Variants in ATP6V0B observed in about 807,000 individuals in gnomAD.
ATP6V0B encodes the protein ATPase H+ transporting V0 subunit b.
In ATP6V0B, 4 loss-of-function variants were observed where a neutral mutation model predicts 26.2. That is an observed-to-expected ratio of 0.15 (90% CI 0.08 to 0.35). ATP6V0B has a LOEUF of 0.35. Among genes scored for constraint, ATP6V0B ranks in the 10% least tolerant of loss-of-function variants. The pLI is 1.00. For missense variants in ATP6V0B, 175 were observed against 272.5 expected (o/e 0.64, Z 2.52); for synonymous variants, 110 against 105.8 (o/e 1.04, Z -0.24).
chr1:43,977,579 GGT>G (rs774835534), intron 7 of ATP6V0B: 14 of 1,422,334 alleles, frequency 9.8e-6, no homozygotes, highest in Non-Finnish European at 1.3e-5. Flanking sequence ...AGTCTGTCAT[GGT>G]GTGTTTGACT....
intron 1 of ATP6V0B, 60 bp from the exon 2 acceptor site, chr1:43,975,739 GT>G (rs1339814021): frequency 6.3e-7 from 1 of 1,583,020 alleles, no homozygotes; most frequent in Non-Finnish European, 8.6e-7. Flanking sequence ...GCTACTTTAG[GT>G]TGAAGAACTT....
intron 7 of ATP6V0B, 160 bp from the exon 8 acceptor site, chr1:43,977,821 C>T: frequency 1.2e-5 from 19 of 1,573,906 alleles, no homozygotes; most frequent in Non-Finnish European, 1.6e-5. Context: ...GGTTGTCTGT[C>T]CCTGTCTGCC....
Position 43,975,045 on chromosome 1 carries a change from C to G in ATP6V0B, c.5C>G (p.Thr2Arg). Residue 2 changes from threonine to arginine, a missense_variant, in exon 1 of 8, where the codon ACG becomes AGG. By Grantham distance (71) the Thr-to-Arg change is moderately conservative. Around this residue, in one of 3 missense-constraint regions of ATP6V0B, gnomAD observed 75 missense variants for 94.7 expected, o/e 0.79. Coordinates refer to ENST00000472174, the MANE Select transcript of ATP6V0B (RefSeq NM_004047.5). Reference protein sequence around the residue: MTGLALLYSGVF... With the variant: MRGLALLYSGVF... ...ACCCCCGCCGCCGTCGCCGCCATGACGGGGCTAGCACTGCTCTACTCCGGG... is the reference window on the plus strand; with the variant it reads ...ACCCCCGCCGCCGTCGCCGCCATGAGGGGGCTAGCACTGCTCTACTCCGGG... 2.4e-6 allele frequency: 3 copies of G among 1,271,670 alleles called. No individual in the cohort carries two copies. Among genetic ancestry groups the G allele is most frequent in the Non-Finnish European group, 3.0e-6 (3 of 1,004,062 alleles). 78.8% of individuals were successfully genotyped at this position (1,271,670 alleles called of 1,614,324 possible). A position where few individuals can be genotyped will look rare whatever the true frequency, so the allele number is the denominator to read the frequency against.
At chr1:43,977,885 C>T in intron 7 of ATP6V0B, 96 bp from the exon 8 acceptor site, 2 of 1,613,484 alleles carry the variant, frequency 1.2e-6, no homozygotes, top group Admixed American at 1.7e-5. Flanking sequence ...TGTGGTCTGT[C>T]CATCCAACCA....
rs1223453705 is a variant in ATP6V0B, at chr1:43,975,298, G to C, written c.67+191G>C. On this transcript the variant is annotated intron_variant, in intron 1 of 7. Coordinates refer to ENST00000472174, the MANE Select transcript of ATP6V0B (RefSeq NM_004047.5). ...CGGATTTCCAGCTGCTTGAGGAGGG[G>C]TGCGGGCGGGTAGGGGCCGCGAGGG... The C allele has an allele frequency of 6.8e-6, 5 of 736,988 alleles. No individual in the cohort carries two copies. In the South Asian group the frequency reaches 8.1e-5, roughly 12 times the overall value. 45.7% of individuals were successfully genotyped at this position (736,988 alleles called of 1,614,324 possible). A position where few individuals can be genotyped will look rare whatever the true frequency, so the allele number is the denominator to read the frequency against.
At chr1:43,975,944 G>A in intron 2 of ATP6V0B, 96 bp downstream of exon 2, 1 of 1,512,428 alleles carries the variant, frequency 6.6e-7, no homozygotes, top group African/African-American at 1.4e-5. Context: ...ACCACTGCCT[G>A]CCTGGGACAT....
chr1:43,975,000 G>C lies in ATP6V0B; in HGVS notation c.-41G>C, dbSNP rs1235476263. ...CGGTGGACGCTGGGACGCGTTTGTA[G>C]CTCCGGCCCCGCCGTTCCGACCCCC... On this transcript the variant is annotated 5_prime_UTR_variant, in exon 1 of 8. Coordinates refer to ENST00000472174, the MANE Select transcript of ATP6V0B (RefSeq NM_004047.5). 5 of 1,256,240 alleles carry C rather than the reference G, an allele frequency of 4.0e-6. No homozygotes were observed. Among genetic ancestry groups the C allele is most frequent in the Non-Finnish European group, 4.0e-6 (4 of 995,820 alleles). 77.8% of individuals were successfully genotyped at this position (1,256,240 alleles called of 1,614,324 possible).
intron 1 of ATP6V0B, 104 bp from the exon 2 acceptor site, chr1:43,975,696 G>A (rs2085512154): frequency 1.5e-6 from 2 of 1,305,676 alleles, no homozygotes; most frequent in Non-Finnish European, 2.2e-6. Context: ...GCCTGAGGAC[G>A]CCCCTTCAGG....
Position 43,976,836 on chromosome 1 carries a change from G to C in ATP6V0B, c.400+12G>C, listed in dbSNP as rs2085525659. On this transcript the variant is annotated intron_variant, in intron 6 of 7. Transcript: ENST00000472174. This position sits in a 1 kb window ranked among gnomAD's most constrained non-coding sequence, Gnocchi z 4.6. ...GAACTACCATGCAGGTGGGTGGATG[G>C]GCGTATGAATGCAAAATGCTGGGAC... 1.9e-6 allele frequency: 3 copies of C among 1,614,020 alleles called. No individual in the cohort carries two copies. Among genetic ancestry groups the C allele is most frequent in the African/African-American group, 1.3e-5 (1 of 74,928 alleles).
At chr1:43,977,446 C>T (rs769163308) in intron 7 of ATP6V0B, 21 of 1,456,180 alleles carry the variant, frequency 1.4e-5, no homozygotes, top group Non-Finnish European at 1.7e-5. Context: ...CTTTCTAATG[C>T]GTTGTATCTG....
chr1:43,977,719 G>A (rs1343891829), intron 7 of ATP6V0B: 3 of 1,437,900 alleles, frequency 2.1e-6, no homozygotes, highest in Non-Finnish European at 2.7e-6. Flanking sequence ...GAGGGTCTGA[G>A]TGTGACTGTG....
rs1045147585 is a variant in ATP6V0B at position 43,976,503 on chromosome 1, G to C, written c.279-87G>C. ...GATGGGATGTTATAGGGGAAAGATT[G>C]CTGGGGACTTACTGGGCAGGAAGGA... On this transcript the variant is annotated intron_variant, in intron 4 of 7. Transcript: ENST00000472174. The surrounding 1 kb of genome is among the most constrained non-coding windows in gnomAD (Gnocchi z 4.6). The C allele has an allele frequency of 6.4e-7, 1 of 1,562,544 alleles. No homozygotes were observed. Among genetic ancestry groups the C allele is most frequent in the Non-Finnish European group, 8.8e-7 (1 of 1,135,236 alleles).
In ATP6V0B at chr1:43,976,468, C is replaced by T. The variant is rs926157593; in HGVS notation, c.278+89C>T. 7.8e-6 allele frequency: 12 copies of T among 1,539,222 alleles called. No homozygotes were observed. The African/African-American group carries it at 9.6e-5, about 12-fold the overall frequency. ...ATCTGACATACTGTTTCTGACAAGC[C>T]ACCTTGTGGGATGGGATGTTATAGG... On this transcript the variant is annotated intron_variant, in intron 4 of 7. Coordinates refer to ENST00000472174, the MANE Select transcript of ATP6V0B (RefSeq NM_004047.5). This position sits in a 1 kb window ranked among gnomAD's most constrained non-coding sequence, Gnocchi z 4.6.
chr1:43,976,880 C>G lies in ATP6V0B; in HGVS notation c.400+56C>G. ...CTGGGACTTCATGCCTGCTTCCACTCTCCCCCATCCCAGCTTGGGCCATCA... is the reference window on the plus strand; with the variant it reads ...CTGGGACTTCATGCCTGCTTCCACTGTCCCCCATCCCAGCTTGGGCCATCA... On this transcript the variant is annotated intron_variant, in intron 6 of 7. Coordinates refer to ENST00000472174, the MANE Select transcript of ATP6V0B (RefSeq NM_004047.5). This position sits in a 1 kb window ranked among gnomAD's most constrained non-coding sequence, Gnocchi z 4.6. 1 of 1,607,286 alleles carries G rather than the reference C, an allele frequency of 6.2e-7. No homozygotes were observed. Among genetic ancestry groups the G allele is most frequent in the East Asian group, 2.2e-5 (1 of 44,864 alleles).
Position 43,975,002 on chromosome 1 carries a change from T to C in ATP6V0B, c.-39T>C, listed in dbSNP as rs2085500651. On this transcript the variant is annotated 5_prime_UTR_variant, in exon 1 of 8. Coordinates refer to ENST00000472174, the MANE Select transcript of ATP6V0B (RefSeq NM_004047.5). Reference sequence around the variant, plus strand: ...GTGGACGCTGGGACGCGTTTGTAGCTCCGGCCCCGCCGTTCCGACCCCCGC... The same window carrying C: ...GTGGACGCTGGGACGCGTTTGTAGCCCCGGCCCCGCCGTTCCGACCCCCGC... 1 of 1,256,842 alleles carries C rather than the reference T, an allele frequency of 8.0e-7. No homozygotes were observed. 77.9% of individuals were successfully genotyped at this position (1,256,842 alleles called of 1,614,324 possible).
Position 43,977,006 on chromosome 1 carries a change from A to G in ATP6V0B, c.401-20A>G, listed in dbSNP as rs745642327. 1 of 1,600,224 alleles carries G rather than the reference A, an allele frequency of 6.2e-7. No individual in the cohort carries two copies. Among genetic ancestry groups the G allele is most frequent in the Non-Finnish European group, 8.5e-7 (1 of 1,170,916 alleles). ...CCCATTCCTGGCTTAGCCTCACTGC[A>G]CCCCTCTCTATCCTCCCAGGCTACT... On this transcript the variant is annotated intron_variant, in intron 6 of 7. Transcript: ENST00000472174.
chr1:43,977,700 G>A (rs1270579550), intron 7 of ATP6V0B: 2 of 1,428,906 alleles, frequency 1.4e-6, no homozygotes, highest in East Asian at 2.5e-5. Flanking sequence ...TGTGACTAAG[G>A]ATCAGCCTGA....
chr1:43,975,848 G>A lies in ATP6V0B; in HGVS notation c.116G>A (p.Trp39Ter). The change falls in exon 2 of 8, where the codon TGG (tryptophan) becomes TAG (stop). Residue 39 changes from tryptophan to a stop codon, truncating the protein, a stop_gained and splice_region_variant. Transcript: ENST00000472174. LOFTEE classifies it high-confidence loss of function. The part of the protein sequence containing the change: ...FDLGFRFDVA[W>*]FLTETSPFMW... Reference sequence around the variant, plus strand: ...TTGGGCTTCCGCTTTGATGTGGCATGGTAAGGGAGGGCAGGGGGAGGATTC... The same window carrying A: ...TTGGGCTTCCGCTTTGATGTGGCATAGTAAGGGAGGGCAGGGGGAGGATTC... 6.3e-7 allele frequency: 1 copy of A among 1,597,314 alleles called. No individual in the cohort carries two copies. The highest frequency in any genetic ancestry group is 8.5e-7 in the Non-Finnish European group (1 of 1,170,450).
chr1:43,977,778 C>T, intron 7 of ATP6V0B: 1 of 1,490,114 alleles, frequency 6.7e-7, no homozygotes, highest in East Asian at 2.4e-5. Flanking sequence ...CCATATGCCA[C>T]TTCTCTCCGT....
Sources: gnomAD v4.1 joint callset for allele counts on GRCh38, gnomAD v4.1.1 for gene constraint, gnomAD v4.1.1 regional missense constraint, Gnocchi (gnomAD v3.1) non-coding constraint, MANE v1.5 for transcripts, NCBI Gene and HGNC (gene_info 2026-07-23, HGNC 2026-07-21) for gene names.